ASAP1: variants seen among roughly 807,000 people sequenced by gnomAD.
The protein encoded by ASAP1 is arf-GAP with SH3 domain, ANK repeat and PH domain-containing protein 1.
A neutral mutation model predicts 145.2 loss-of-function variants in ASAP1; 43 were observed. The ratio of observed to expected loss-of-function variants is 0.30; its 90% CI spans 0.23 to 0.38. The LOEUF (loss-of-function observed/expected upper bound fraction) is 0.38, where lower values mean the gene tolerates loss of function less well. Ranked by LOEUF, ASAP1 falls within the 10% of genes least tolerant of loss-of-function variation. ASAP1 has a pLI of 1.00. For missense variants in ASAP1, 1,018 were observed against 1,355.3 expected, an observed-to-expected ratio of 0.75 and a Z score of 3.91; for synonymous variants, 546 against 515.5, an observed-to-expected ratio of 1.06 and a Z score of -0.80.
At chr8:130,099,913 G>A (rs2097525694) in intron 24 of ASAP1, among the ~76,000 whole-genome samples, 1 of 152,032 alleles carries the variant, frequency 6.6e-6, no homozygotes, top group African/African-American at 2.4e-5. Flanking sequence ...CCATTCACCT[G>A]CTGATGGACA....
chr8:130,377,517 C>T (rs1316311646), intron 2 of ASAP1, among the ~76,000 whole-genome samples: 2 of 152,218 alleles, frequency 1.3e-5, no homozygotes, highest in Admixed American at 1.3e-4. Context: ...GGCCTCTGTG[C>T]TGAGTACCGG....
chr8:130,333,731 A>G (rs202105294), intron 3 of ASAP1, among the ~76,000 whole-genome samples: 1 of 152,244 alleles, frequency 6.6e-6, no homozygotes, highest in East Asian at 1.9e-4. Flanking sequence ...CAGAAGATTA[A>G]TATTTTCGCC....
At chr8:130,319,920 C>T (rs762652173) in intron 3 of ASAP1, among the ~76,000 whole-genome samples, 6 of 152,164 alleles carry the variant, frequency 3.9e-5, no homozygotes, top group Non-Finnish European at 5.9e-5. Flanking sequence ...ACACTAACTA[C>T]TTCATACAAT....
intron 27 of ASAP1, among the ~76,000 whole-genome samples, chr8:130,073,002 T>C (rs974465011): frequency 1.6e-4 from 24 of 151,502 alleles, no homozygotes; most frequent in African/African-American, 5.6e-4. Context: ...TTGATGATTG[T>C]TGTGATGTGA....
chr8:130,208,829 A>G (rs1373733116), intron 5 of ASAP1: 1 of 152,192 alleles, frequency 6.6e-6, no homozygotes, highest in Non-Finnish European at 1.5e-5. Flanking sequence ...ACTTGACTCA[A>G]CTTGGGAAAG....
At chr8:130,136,656 T>C (rs887863444) in intron 14 of ASAP1, among the ~76,000 whole-genome samples, 31 of 151,280 alleles carry the variant, frequency 2.0e-4, no homozygotes, top group African/African-American at 7.5e-4. Context: ...GAAACATCTC[T>C]CCAAGGGGAT....
At chr8:130,326,147 G>C (rs1445847340) in intron 3 of ASAP1, among the ~76,000 whole-genome samples, 1 of 152,140 alleles carries the variant, frequency 6.6e-6, no homozygotes, top group Non-Finnish European at 1.5e-5. Flanking sequence ...TAAGGAGGAG[G>C]TGGCATGTGA....
At chr8:130,181,668 G>C (rs915224158) in intron 7 of ASAP1, among the ~76,000 whole-genome samples, 1 of 152,152 alleles carries the variant, frequency 6.6e-6, no homozygotes, top group Non-Finnish European at 1.5e-5. Flanking sequence ...TCTGTGTGTG[G>C]GGAGGGGGCC....
At chr8:130,273,370 T>C (rs1448738374) in intron 3 of ASAP1, among the ~76,000 whole-genome samples, 1 of 152,032 alleles carries the variant, frequency 6.6e-6, no homozygotes, top group Non-Finnish European at 1.5e-5. Flanking sequence ...CAAGGCAGGG[T>C]CACGCCTGCT....
chr8:130,277,468 C>A (rs1349261480), intron 3 of ASAP1, among the ~76,000 whole-genome samples: 2 of 152,120 alleles, frequency 1.3e-5, no homozygotes, highest in Non-Finnish European at 2.9e-5. Flanking sequence ...AATATGAATT[C>A]CATTTTTACC....
intron 26 of ASAP1, among the ~76,000 whole-genome samples, chr8:130,078,997 CA>C (rs1180059445): frequency 6.6e-6 from 1 of 151,952 alleles, no homozygotes; most frequent in Non-Finnish European, 1.5e-5. Flanking sequence ...AGTTCAAGAC[CA>C]GCTTGGGCAA....
chr8:130,258,716 C>G (rs1419396372), intron 3 of ASAP1, among the ~76,000 whole-genome samples: 1 of 152,178 alleles, frequency 6.6e-6, no homozygotes, highest in Non-Finnish European at 1.5e-5. Flanking sequence ...ACAAATAGTA[C>G]TTATCAGTTC....
chr8:130,398,736 A>G (rs1392969333), intron 2 of ASAP1, among the ~76,000 whole-genome samples: 1 of 152,196 alleles, frequency 6.6e-6, no homozygotes, highest in Non-Finnish European at 1.5e-5. Flanking sequence ...GTAAGTCTAT[A>G]AAACAGGAGA....
At chr8:130,306,783 C>T (rs1482537847) in intron 3 of ASAP1, among the ~76,000 whole-genome samples, 1 of 152,214 alleles carries the variant, frequency 6.6e-6, no homozygotes, top group East Asian at 1.9e-4. Context: ...GACCATGTAA[C>T]TTAACATGTA....
intron 12 of ASAP1, among the ~76,000 whole-genome samples, chr8:130,156,715 C>T (rs2097658882): frequency 6.6e-6 from 1 of 152,196 alleles, no homozygotes; most frequent in Admixed American, 6.5e-5. Context: ...TTCATACTTA[C>T]TGTCCGTATG....
intron 6 of ASAP1, 135 bp from the exon 7 acceptor site, chr8:130,187,420 AT>A (rs201930107): frequency 0.22 from 115,679 of 528,656 alleles, no homozygotes; most frequent in South Asian, 0.3. Context: ...ACGTTACACC[AT>A]TTTTTTTTTT....
intron 5 of ASAP1, among the ~76,000 whole-genome samples, chr8:130,204,108 G>C (rs1003643924): frequency 7.9e-5 from 12 of 152,096 alleles, no homozygotes; most frequent in Non-Finnish European, 1.3e-4. Flanking sequence ...AGTGAGTTGC[G>C]GGCTATTGAG....
At chr8:130,336,551 T>C (rs2137857838) in intron 3 of ASAP1, among the ~76,000 whole-genome samples, 2 of 152,314 alleles carry the variant, frequency 1.3e-5, no homozygotes, top group South Asian at 4.1e-4. Flanking sequence ...GTACCAGTTT[T>C]GGTATTAGGC....
chr8:130,167,338 GGAATTGGATACCCA>G (rs2097682015), intron 11 of ASAP1, 184 bp downstream of exon 11: 5 of 694,676 alleles, frequency 7.2e-6, no homozygotes, highest in Non-Finnish European at 1.3e-5. Context: ...CCAGAGTCAT[GGAATTGGATACCCA>G]GAACATCTTT....
Sources: allele counts gnomAD v4.1 joint callset (sites outside exome capture counted in the v4.1 genomes callset), GRCh38; gene constraint gnomAD v4.1.1; transcripts MANE v1.5; gene names NCBI Gene and HGNC (gene_info 2026-07-23, HGNC 2026-07-21).